The following SCIN variants were observed in gnomAD, a reference collection of about 807,000 sequenced individuals.
SCIN encodes the protein adseverin.
Under a neutral mutation model 91.8 loss-of-function variants are expected in SCIN, and 91 were observed. The observed-to-expected ratio is 0.99, with a 90% CI of 0.84 to 1.18. The LOEUF (loss-of-function observed/expected upper bound fraction) is 1.18, where lower values mean the gene tolerates loss of function less well. SCIN is among the 50% of genes most tolerant of loss of function. The probability of loss-of-function intolerance (pLI) is 0.00; values close to 1 mark genes in which losing one functional copy is unlikely to be tolerated. For synonymous variants in SCIN, 367 were observed against 312.6 expected, an observed-to-expected ratio of 1.17 and a Z score of -1.84; for missense variants, 1,087 against 863.9, an observed-to-expected ratio of 1.26 and a Z score of -3.24.
chr7:12,600,930 C>T (rs928400352), intron 3 of SCIN, among the ~76,000 whole-genome samples: 1 of 152,140 alleles, frequency 6.6e-6, no homozygotes, highest in African/African-American at 2.4e-5. Flanking sequence ...TAACTGCTAA[C>T]TTTGTCATGG....
intron 4 of SCIN, among the ~76,000 whole-genome samples, chr7:12,616,623 T>C (rs968223240): frequency 6.6e-6 from 1 of 152,082 alleles, no homozygotes; most frequent in African/African-American, 2.4e-5. Context: ...TGTTAACCAT[T>C]GTAGACTCAG....
chr7:12,602,670 A>G (rs1782983021), intron 3 of SCIN, among the ~76,000 whole-genome samples: 1 of 152,124 alleles, frequency 6.6e-6, no homozygotes, highest in African/African-American at 2.4e-5. Context: ...TATCTCTCCT[A>G]CTTGCACGTC....
Position 12,644,280 on chromosome 7 carries a change from G to T in SCIN, c.1724G>T (p.Cys575Phe). The T allele has an allele frequency of 6.3e-7, 1 of 1,596,880 alleles. No homozygotes were observed. Among genetic ancestry groups the T allele is most frequent in the Non-Finnish European group, 8.5e-7 (1 of 1,171,184 alleles). ...GAEYVASVLK[C>F]KTLRIQEGEE... is the part of the protein sequence containing the mutation. ...GAGTATGTAGCAAGTGTCCTAAAGT[G>T]CAAAACCTTAAGGATCCAAGAAGGC... Residue 575 changes from cysteine to phenylalanine, a missense_variant, in exon 12 of 16, where the codon TGC becomes TTC. Physicochemically the swap from Cys to Phe is radical, Grantham distance 205 (BLOSUM62 -2). Coordinates refer to ENST00000297029, the MANE Select transcript of SCIN (RefSeq NM_001112706.3).
chr7:12,648,961 A>G (rs1323241171), intron 13 of SCIN, among the ~76,000 whole-genome samples: 1 of 152,162 alleles, frequency 6.6e-6, no homozygotes, highest in Non-Finnish European at 1.5e-5. Flanking sequence ...GGATTATGTA[A>G]TTTTTTATAT....
intron 11 of SCIN, 109 bp from the exon 12 acceptor site, chr7:12,644,029 T>G (rs1299883749): frequency 3.4e-5 from 33 of 967,794 alleles, no homozygotes; most frequent in Non-Finnish European, 4.9e-5. Context: ...TTTCCTGGGA[T>G]AGGGCAGAAG....
At chr7:12,636,016 G>A (rs1183676075) in intron 9 of SCIN, 29 bp from the exon 10 acceptor site, 2 of 1,559,448 alleles carry the variant, frequency 1.3e-6, no homozygotes, top group African/African-American at 2.7e-5. Context: ...TTAAAGGCAA[G>A]CTAATTCGTT....
chr7:12,648,038 G>A (rs138336252), intron 13 of SCIN, among the ~76,000 whole-genome samples: 1 of 152,052 alleles, frequency 6.6e-6, no homozygotes, highest in Non-Finnish European at 1.5e-5. Context: ...CCTGCGTAAG[G>A]ATCAGGGGGG....
chr7:12,655,712 C>CA lies in SCIN; in HGVS notation c.*3003dup, dbSNP rs1784153195. ...ACAGTATTACTTTTGTAAACATACA[C>CA]AAAAAATATTATATATTTGCCAAAC... On this transcript the variant is annotated 3_prime_UTR_variant, in exon 16 of 16. Transcript: ENST00000297029. 1 of 152,078 alleles carries CA rather than the reference C, an allele frequency of 6.6e-6. No homozygotes were observed. Among genetic ancestry groups the CA allele is most frequent in the South Asian group, 2.1e-4 (1 of 4,822 alleles). 9.4% of individuals were successfully genotyped at this position (152,078 alleles called of 1,614,324 possible). A position where few individuals can be genotyped will look rare whatever the true frequency, so the allele number is the denominator to read the frequency against.
intron 13 of SCIN, 126 bp from the exon 14 acceptor site, chr7:12,649,341 G>C: frequency 1.9e-6 from 1 of 513,490 alleles, no homozygotes; most frequent in Non-Finnish European, 3.3e-6. Context: ...ACGTGAAAAA[G>C]AAGAAAAAAA....
intron 4 of SCIN, among the ~76,000 whole-genome samples, chr7:12,622,575 T>A (rs1044868870): frequency 6.6e-6 from 1 of 152,114 alleles, no homozygotes. Context: ...AAATTCATTG[T>A]TTGAGGTTGC....
chr7:12,589,909 A>G (rs936462764), intron 3 of SCIN, among the ~76,000 whole-genome samples: 1 of 152,142 alleles, frequency 6.6e-6, no homozygotes, highest in Non-Finnish European at 1.5e-5. Flanking sequence ...ACTGGCTCTA[A>G]TGCTCTCCAG....
At chr7:12,633,907 T>C (rs1462603608) in intron 9 of SCIN, among the ~76,000 whole-genome samples, 1 of 152,112 alleles carries the variant, frequency 6.6e-6, no homozygotes. Context: ...ACTACGTTTT[T>C]AGTAGTTCCT....
chr7:12,644,735 G>A (rs1202757910), intron 13 of SCIN, 30 bp downstream of exon 13: 1 of 1,545,454 alleles, frequency 6.5e-7, no homozygotes. Flanking sequence ...GTGCGATAGG[G>A]CTGGTTGCGG....
intron 7 of SCIN, 118 bp from the exon 8 acceptor site, chr7:12,626,466 C>T (rs1783523693): frequency 1.3e-6 from 1 of 798,564 alleles, no homozygotes; most frequent in African/African-American, 1.7e-5. Flanking sequence ...ATTATATGAG[C>T]TTGATAGCTA....
chr7:12,599,156 T>C (rs926312407), intron 3 of SCIN, among the ~76,000 whole-genome samples: 1 of 152,188 alleles, frequency 6.6e-6, no homozygotes. Flanking sequence ...AAGTTTTCTG[T>C]AACCACTTTG....
At chr7:12,603,380 C>T (rs990142937) in intron 3 of SCIN, among the ~76,000 whole-genome samples, 18 of 151,936 alleles carry the variant, frequency 1.2e-4, no homozygotes, top group Non-Finnish European at 1.5e-4. Context: ...TCCTGACCCA[C>T]GATCCGCAAG....
intron 3 of SCIN, among the ~76,000 whole-genome samples, chr7:12,590,490 T>G (rs1283865017): frequency 3.3e-5 from 5 of 152,036 alleles, no homozygotes; most frequent in African/African-American, 9.7e-5. Context: ...GAAGGATTGG[T>G]GAAGAGATGT....
At chr7:12,573,570 GA>G (rs1221158576) in intron 1 of SCIN, among the ~76,000 whole-genome samples, 1 of 152,142 alleles carries the variant, frequency 6.6e-6, no homozygotes, top group Admixed American at 6.6e-5. Flanking sequence ...TTATTGCAAA[GA>G]ACTTAAATGT....
rs201148412 is a variant in SCIN at position 12,652,722 on chromosome 7, A to G, written c.*7A>G. Reference sequence around the variant, plus strand: ...GGATTCCAGCAAGTGGTAAATTGGTATTTGTAAAAAGCAAACAAACATTAC... The same window carrying G: ...GGATTCCAGCAAGTGGTAAATTGGTGTTTGTAAAAAGCAAACAAACATTAC... On this transcript the variant is annotated 3_prime_UTR_variant, in exon 16 of 16. Coordinates refer to ENST00000297029, the MANE Select transcript of SCIN (RefSeq NM_001112706.3). The G allele has an allele frequency of 2.5e-6, 4 of 1,600,834 alleles. No homozygotes were observed. The highest frequency in any genetic ancestry group is 1.4e-5 in the African/African-American group (1 of 73,668).
Sources: gnomAD v4.1 joint callset for allele counts (sites outside exome capture counted in the v4.1 genomes callset) on GRCh38, gnomAD v4.1.1 for gene constraint, MANE v1.5 for transcripts, NCBI Gene and HGNC (gene_info 2026-07-23, HGNC 2026-07-21) for gene names.